SUFU: variants seen among roughly 807,000 people sequenced by gnomAD.
The protein encoded by SUFU is suppressor of fused homolog.
Under a neutral mutation model 58.9 loss-of-function variants are expected in SUFU, and 7 were observed. The ratio of observed to expected loss-of-function variants is 0.12; its 90% confidence interval spans 0.07 to 0.22. The LOEUF is 0.22. Among genes scored for constraint, SUFU ranks in the 10% least tolerant of loss-of-function variants. The pLI is 1.00. For synonymous variants in SUFU, 232 were observed against 254.8 expected, an observed-to-expected ratio of 0.91 and a Z score of 0.85; for missense variants, 451 against 641.3, an observed-to-expected ratio of 0.70 and a Z score of 3.20.
chr10:102,567,399 C>T (rs1011686437), intron 3 of SUFU, among the ~76,000 whole-genome samples: 12 of 152,178 alleles, frequency 7.9e-5, no homozygotes, highest in African/African-American at 2.6e-4. Context: ...GACTGGCACC[C>T]GTAAGCCATA....
At chr10:102,592,755 C>T (rs2063417434) in intron 4 of SUFU, 31 bp downstream of exon 4, 1 of 1,612,832 alleles carries the variant, frequency 6.2e-7, no homozygotes, top group East Asian at 2.2e-5. Context: ...TGGCTCAAGC[C>T]TTCCTGTGGG....
At chr10:102,577,170 G>A (rs1007627781) in intron 3 of SUFU, among the ~76,000 whole-genome samples, 3 of 134,146 alleles carry the variant, frequency 2.2e-5, no homozygotes, top group Admixed American at 8.5e-5. Context: ...TGCAACCTCC[G>A]CCTCCCAGGT....
chr10:102,545,524 CTT>C (rs1354005426), intron 2 of SUFU, among the ~76,000 whole-genome samples: 4 of 152,106 alleles, frequency 2.6e-5, no homozygotes, highest in African/African-American at 9.7e-5. Context: ...CTGCCAAACT[CTT>C]TTTCCAAAGT....
At chr10:102,614,981 A>G (rs989553598) in intron 8 of SUFU, among the ~76,000 whole-genome samples, 1 of 151,916 alleles carries the variant, frequency 6.6e-6, no homozygotes, top group Non-Finnish European at 1.5e-5. Context: ...TGGCTGTGCA[A>G]CCTGTGCAAA....
In SUFU at chr10:102,575,354, G is replaced by T. The variant is rs1250682215; in HGVS notation, c.455-17228G>T. ...TGAAACTGCTAATTTATAAAGAAAA[G>T]GAATTTATTTCTTACAGTTATGGAG... is the stretch of plus-strand genomic sequence containing the variant. On this transcript the variant is annotated intron_variant, in intron 3 of 11. Transcript: ENST00000369902. 3.9e-5 allele frequency among the ~76,000 whole-genome samples: 6 copies of T among 152,286 alleles called. No individual in the cohort carries two copies. The East Asian group carries it at 5.8e-4, about 15-fold the overall frequency.
intron 3 of SUFU, among the ~76,000 whole-genome samples, chr10:102,592,297 G>T (rs369565108): frequency 6.6e-6 from 1 of 152,186 alleles, no homozygotes; most frequent in African/African-American, 2.4e-5. Context: ...TTGGGGAAGC[G>T]AAGCAGATGC....
At chr10:102,538,530 T>G (rs565119139) in intron 2 of SUFU, among the ~76,000 whole-genome samples, 1 of 152,268 alleles carries the variant, frequency 6.6e-6, no homozygotes, top group African/African-American at 2.4e-5. Flanking sequence ...TATCTTCGTT[T>G]TTGAAAAAAG....
intron 8 of SUFU, among the ~76,000 whole-genome samples, chr10:102,601,197 G>A (rs533960762): frequency 3.9e-5 from 6 of 152,276 alleles, no homozygotes; most frequent in East Asian, 1.9e-4. Flanking sequence ...TTCTTGCCCC[G>A]CTTGTGTATC....
intron 2 of SUFU, among the ~76,000 whole-genome samples, chr10:102,510,858 C>T (rs1485856960): frequency 6.7e-5 from 10 of 149,788 alleles, no homozygotes; most frequent in African/African-American, 1.5e-4. Context: ...TGGTGGCTCA[C>T]GCCTATAATC....
chr10:102,616,925 A>AC (rs2063692601), intron 9 of SUFU, among the ~76,000 whole-genome samples: 3 of 148,720 alleles, frequency 2.0e-5, no homozygotes, highest in Middle Eastern at 3.2e-3. Context: ...GGGGGATGTG[A>AC]CCCCCCTCTT....
At chr10:102,504,430 G>T in intron 1 of SUFU, 96 bp downstream of exon 1, 1 of 1,561,006 alleles carries the variant, frequency 6.4e-7, no homozygotes, top group East Asian at 2.4e-5. Flanking sequence ...AGGAGGGGTA[G>T]AGAATGGTTA....
At chr10:102,593,539 T>C in intron 4 of SUFU, 97 bp from the exon 5 acceptor site, 1 of 1,206,932 alleles carries the variant, frequency 8.3e-7, no homozygotes, top group Non-Finnish European at 1.2e-6. Flanking sequence ...GCCTGTGGTC[T>C]CCCAACTGGA....
At chr10:102,522,812 G>T (rs924651696) in intron 2 of SUFU, among the ~76,000 whole-genome samples, 4 of 152,166 alleles carry the variant, frequency 2.6e-5, no homozygotes, top group African/African-American at 9.7e-5. Context: ...GATTGTCATC[G>T]TTGGGACACA....
chr10:102,516,354 CTT>C (rs1205716789), intron 2 of SUFU, among the ~76,000 whole-genome samples: 1 of 151,812 alleles, frequency 6.6e-6, no homozygotes, highest in Admixed American at 6.6e-5. Flanking sequence ...GATTTCTTTT[CTT>C]TTGTAGCTAC....
In SUFU at chr10:102,617,584, G is replaced by T. The variant is rs562599895; in HGVS notation, c.1296+156G>T. On this transcript the variant is annotated intron_variant, in intron 10 of 11. Coordinates refer to ENST00000369902, the MANE Select transcript of SUFU (RefSeq NM_016169.4). The surrounding 1 kb of genome is among the most constrained non-coding windows in gnomAD (Gnocchi z 4.4). ...GGCCTGGGGCCTGTGTGTAGGTATG[G>T]AGTGTGGATGCTGCTACCCACTCCA... 2.3e-4 allele frequency: 224 copies of T among 990,922 alleles called. 7 individuals carry two copies. The South Asian group carries it at 3.3e-3, about 15-fold the overall frequency. 61.4% of individuals were successfully genotyped at this position (990,922 alleles called of 1,614,324 possible). A position where few individuals can be genotyped will look rare whatever the true frequency, so the allele number is the denominator to read the frequency against.
intron 10 of SUFU, among the ~76,000 whole-genome samples, chr10:102,623,989 C>T (rs1321888462): frequency 2.6e-5 from 4 of 152,092 alleles, no homozygotes; most frequent in African/African-American, 9.7e-5. Flanking sequence ...GGGTACCTAC[C>T]CTTGGGCAAA....
chr10:102,590,621 A>G (rs992279390), intron 3 of SUFU, among the ~76,000 whole-genome samples: 6 of 152,174 alleles, frequency 3.9e-5, no homozygotes, highest in African/African-American at 1.4e-4. Flanking sequence ...CATAGAATGA[A>G]TTAGAAATTA....
intron 3 of SUFU, among the ~76,000 whole-genome samples, chr10:102,577,567 G>C (rs866733739): frequency 6.6e-6 from 1 of 152,268 alleles, no homozygotes; most frequent in East Asian, 1.9e-4. Flanking sequence ...TCAAACTCCT[G>C]TGCTCAAGTG....
At chr10:102,621,930 G>T (rs1456417257) in intron 10 of SUFU, among the ~76,000 whole-genome samples, 1 of 152,250 alleles carries the variant, frequency 6.6e-6, no homozygotes, top group Non-Finnish European at 1.5e-5. Context: ...TGCCTGCAGT[G>T]CAGCCTGGCT....
Sources: allele counts gnomAD v4.1 joint callset (sites outside exome capture counted in the v4.1 genomes callset), GRCh38; gene constraint gnomAD v4.1.1; non-coding constraint Gnocchi (gnomAD v3.1); transcripts MANE v1.5; gene names NCBI Gene and HGNC (gene_info 2026-07-23, HGNC 2026-07-21).